STAG2: variants seen among roughly 807,000 people sequenced by gnomAD.
STAG2 encodes the protein STAG2 cohesin complex component, also known as cohesin subunit SA-2.
In STAG2, 14 loss-of-function variants were observed where a neutral mutation model predicts 108.1. That is an observed-to-expected ratio of 0.13 (90% confidence interval 0.09 to 0.20). The LOEUF (loss-of-function observed/expected upper bound fraction) is 0.20, where lower values mean the gene tolerates loss of function less well. Ranked by LOEUF, STAG2 falls within the 10% of genes least tolerant of loss-of-function variation. STAG2 has a pLI of 1.00. For missense variants in STAG2, 440 were observed against 940.9 expected, an observed-to-expected ratio of 0.47 and a Z score of 6.96; for synonymous variants, 307 against 302.7, an observed-to-expected ratio of 1.01 and a Z score of -0.15.
intron 34 of STAG2, 145 bp from the exon 35 acceptor site, chrX:124,100,429 T>C (rs998331081): frequency 6.4e-6 from 3 of 466,120 alleles, no homozygotes; most frequent in Middle Eastern, 6.2e-4. Flanking sequence ...TTTAGAATTA[T>C]ACATCTGAAG....
chrX:124,034,043 C>T (rs1475931583), intron 5 of STAG2, among the ~76,000 whole-genome samples: 1 of 111,665 alleles, frequency 9.0e-6, no homozygotes, highest in Non-Finnish European at 1.9e-5. Flanking sequence ...ACAGTTTGAA[C>T]ACAAAACCCT....
intron 1 of STAG2, 97 bp from the exon 2 acceptor site, chrX:124,021,270 A>G (rs775190909): frequency 8.9e-6 from 1 of 112,124 alleles, no homozygotes; most frequent in South Asian, 3.7e-4. Flanking sequence ...TGTGATATCT[A>G]ACCTACTGGG....
chrX:124,051,842 G>A (rs1467012176), intron 13 of STAG2, among the ~76,000 whole-genome samples: 2 of 111,838 alleles, frequency 1.8e-5, no homozygotes, highest in Non-Finnish European at 3.8e-5. Flanking sequence ...CGCCCGCCTT[G>A]GCCTCCCAAG....
chrX:124,087,937 T>A (rs1205233546), intron 30 of STAG2, among the ~76,000 whole-genome samples: 4 of 112,475 alleles, frequency 3.6e-5, no homozygotes, highest in Non-Finnish European at 3.7e-5. Flanking sequence ...AATTTTACAC[T>A]GGTTAGTTAT....
chrX:123,991,821 C>T (rs1416225877), intron 1 of STAG2, among the ~76,000 whole-genome samples: 3 of 111,261 alleles, frequency 2.7e-5, no homozygotes, highest in Admixed American at 9.5e-5. Flanking sequence ...CACGCCACCA[C>T]GCCCAGCTAA....
Position 124,081,451 on chromosome X carries a change from A to G in STAG2, c.2847A>G (p.Lys949=), listed in dbSNP as rs1036953273. The change falls in exon 28 of 35, where the codon AAA becomes AAG. Residue 949 remains lysine, a synonymous_variant. Coordinates refer to ENST00000371145, the MANE Select transcript of STAG2 (RefSeq NM_001042750.2). The part of the protein sequence containing the change: ...DRSSSTFSGI[K]ELARRFALTF... ...CATCCTCTACATTTAGTGGCATAAA[A>G]GAACTTGCTCGACGTTTTGCTTTAA... 1 of 1,197,664 alleles carries G rather than the reference A, an allele frequency of 8.3e-7. No individual in the cohort carries two copies. The highest frequency in any genetic ancestry group is 1.8e-5 in the African/African-American group (1 of 56,946).
intron 1 of STAG2, among the ~76,000 whole-genome samples, chrX:123,966,940 G>T (rs963002793): frequency 1.8e-5 from 2 of 108,643 alleles, no homozygotes; most frequent in Non-Finnish European, 3.8e-5. Context: ...CTGGAGTGCA[G>T]TGGCATGATC....
rs748193352 is a variant in STAG2 at position 124,057,995 on chromosome X, A to G, written c.1416+18A>G. The G allele has an allele frequency of 1.8e-6, 2 of 1,090,498 alleles. No individual in the cohort carries two copies. The highest frequency in any genetic ancestry group is 6.3e-5 in the East Asian group (2 of 31,837). The allele number at this position is 1,090,498 out of a possible 1,213,427, so 89.9% of individuals were successfully genotyped here. On this transcript the variant is annotated intron_variant, in intron 15 of 34. Transcript: ENST00000371145. ...AAAGTGAGGTTAGTTGATAGTATTT[A>G]TTTTATACTTAGGTTCGAAAAATTT...
At chrX:124,088,306 T>C (rs1037480855) in intron 30 of STAG2, among the ~76,000 whole-genome samples, 5 of 111,019 alleles carry the variant, frequency 4.5e-5, no homozygotes, top group African/African-American at 1.6e-4. Flanking sequence ...ACAAATAGAT[T>C]ATTAAACCAG....
At position 124,061,183 on chromosome X, in the gene STAG2, T is replaced by G. The variant is rs189632134; in HGVS notation, c.1417-41T>G. Reference sequence around the variant, plus strand: ...CCATTCTTTTGAGTTAAGGCTAGTATGATAATTGTCTAAGACCACATTGCT... The same window carrying G: ...CCATTCTTTTGAGTTAAGGCTAGTAGGATAATTGTCTAAGACCACATTGCT... On this transcript the variant is annotated intron_variant, in intron 15 of 34. Coordinates refer to ENST00000371145, the MANE Select transcript of STAG2 (RefSeq NM_001042750.2). 8.4e-5 allele frequency: 84 copies of G among 996,636 alleles called. No homozygotes were observed. The East Asian group carries it at 2.6e-3, about 31-fold the overall frequency. 82.1% of individuals were successfully genotyped at this position (996,636 alleles called of 1,213,427 possible). A position where few individuals can be genotyped will look rare whatever the true frequency, so the allele number is the denominator to read the frequency against.
intron 34 of STAG2, among the ~76,000 whole-genome samples, chrX:124,097,293 CT>C (rs751629477): frequency 9.2e-6 from 1 of 108,480 alleles, no homozygotes; most frequent in South Asian, 4.1e-4. Context: ...GCAAACCATA[CT>C]TTGAGTAGCA....
intron 27 of STAG2, among the ~76,000 whole-genome samples, chrX:124,080,858 C>T (rs749750684): frequency 1.4e-4 from 16 of 111,741 alleles, no homozygotes; most frequent in South Asian, 3.7e-4. Context: ...TCCTTGTTTA[C>T]GCTGAGGTTT....
chrX:124,098,453 A>G (rs1424474212), intron 34 of STAG2, among the ~76,000 whole-genome samples: 3 of 111,701 alleles, frequency 2.7e-5, no homozygotes, highest in African/African-American at 9.7e-5. Flanking sequence ...AAGAAATGGA[A>G]TAATGGAAAA....
chrX:123,983,297 C>G (rs941885332), intron 1 of STAG2, among the ~76,000 whole-genome samples: 4 of 108,144 alleles, frequency 3.7e-5, no homozygotes, highest in Admixed American at 3.0e-4. Flanking sequence ...TTTGTAATGT[C>G]TGTTCACCTT....
chrX:124,011,973 A>G (rs2056536821), intron 1 of STAG2, among the ~76,000 whole-genome samples: 1 of 111,464 alleles, frequency 9.0e-6, no homozygotes, highest in Non-Finnish European at 1.9e-5. Flanking sequence ...ATTTTTTTCT[A>G]GTTTTAACTT....
chrX:124,061,567 A>C (rs1276513217), intron 16 of STAG2, among the ~76,000 whole-genome samples: 3 of 110,239 alleles, frequency 2.7e-5, no homozygotes, highest in Non-Finnish European at 5.7e-5. Flanking sequence ...AAATGTATGG[A>C]TCTGTGGTGG....
At chrX:124,016,793 CCT>C (rs1030747019) in intron 1 of STAG2, among the ~76,000 whole-genome samples, 2 of 111,547 alleles carry the variant, frequency 1.8e-5, no homozygotes, top group Non-Finnish European at 3.8e-5. Context: ...ATGGTGAAAC[CCT>C]GTTTCTACAA....
In STAG2 at chrX:124,056,170, C is replaced by T. The variant is rs760579580; in HGVS notation, c.1239C>T (p.Val413=). ...EVLTAEDCEN[V]YHLVYSAHRP... is the part of the protein sequence containing the mutation. The stretch of plus-strand genomic sequence containing the variant: ...TCACTGCAGAAGATTGTGAAAATGT[C>T]TATCATCTGGTTTATTCAGCTCACC... The change falls in exon 14 of 35, where the codon GTC becomes GTT. Residue 413 remains valine (V), a synonymous_variant. Transcript: ENST00000371145. 28 of 1,205,798 alleles carry T rather than the reference C, an allele frequency of 2.3e-5. No individual in the cohort carries two copies. The South Asian group carries it at 4.3e-4, about 18-fold the overall frequency.
intron 4 of STAG2, among the ~76,000 whole-genome samples, chrX:124,030,643 A>T (rs2057303990): frequency 8.9e-6 from 1 of 111,887 alleles, no homozygotes; most frequent in Non-Finnish European, 1.9e-5. Flanking sequence ...TTAGAAAAAC[A>T]TCACTGAAAC....
Sources: allele counts gnomAD v4.1 joint callset (sites outside exome capture counted in the v4.1 genomes callset), GRCh38; gene constraint gnomAD v4.1.1; transcripts MANE v1.5; gene names NCBI Gene and HGNC (gene_info 2026-07-23, HGNC 2026-07-21).